INSR: variants seen among roughly 807,000 people sequenced by gnomAD.
INSR encodes the protein IR.
INSR carries 67 observed loss-of-function variants against 142.6 expected under a neutral mutation model. The observed-to-expected ratio is 0.47, with a 90% CI of 0.39 to 0.58. INSR has a LOEUF of 0.58. Among genes scored for constraint, INSR ranks in the 20% least tolerant of loss-of-function variants. The pLI is 0.00. For synonymous variants in INSR, 756 were observed against 743.1 expected (o/e 1.02, Z -0.28); for missense variants, 1,248 against 1,833.2 (o/e 0.68, Z 5.83).
At chr19:7,293,759 G>A (rs1224926270) in intron 1 of INSR, 33 bp downstream of exon 1, 24 of 1,322,896 alleles carry the variant, frequency 1.8e-5, no homozygotes, top group Non-Finnish European at 2.2e-5. Flanking sequence ...CCATCGCGGC[G>A]CTCCCCGCCC....
At chr19:7,157,315 A>G (rs1335824913) in intron 9 of INSR, among the ~76,000 whole-genome samples, 2 of 148,652 alleles carry the variant, frequency 1.3e-5, no homozygotes, top group Non-Finnish European at 1.5e-5. Context: ...GGGTTTTGCC[A>G]TGTTGGCCAG....
At chr19:7,152,087 C>T (rs955030567) in intron 10 of INSR, 1 of 159,594 alleles carries the variant, frequency 6.3e-6, no homozygotes, top group African/African-American at 2.4e-5. Flanking sequence ...CCACTGCGCT[C>T]AGCTAAAGCC....
intron 1 of INSR, among the ~76,000 whole-genome samples, chr19:7,275,645 G>T (rs1286815013): frequency 6.6e-6 from 1 of 151,828 alleles, no homozygotes; most frequent in Non-Finnish European, 1.5e-5. Flanking sequence ...TAGCGGGGTC[G>T]GGGGAGTGGC....
intron 9 of INSR, among the ~76,000 whole-genome samples, chr19:7,155,493 G>C (rs917250592): frequency 6.7e-6 from 1 of 148,832 alleles, no homozygotes; most frequent in Non-Finnish European, 1.5e-5. Flanking sequence ...AGCCAAGATT[G>C]CGCCACTGCA....
Position 7,172,403 on chromosome 19 carries a change from G to A in INSR, c.1155C>T (p.Leu385=), listed in dbSNP as rs1040724024. The change falls in exon 5 of 22, where the codon CTC becomes CTT. Residue 385 remains leucine, a synonymous_variant. Transcript: ENST00000302850. ...ACCCTGAAATTTCTTCAATGAGGCCGAGGTTGGCTTCTAGCTCAGCTGCCA... is the reference window on the plus strand; with the variant it reads ...ACCCTGAAATTTCTTCAATGAGGCCAAGGTTGGCTTCTAGCTCAGCTGCCA... ...NNLAAELEAN[L]GLIEEISGYL... 1.8e-5 allele frequency: 29 copies of A among 1,613,948 alleles called. No homozygotes were observed. The highest frequency in any genetic ancestry group is 1.6e-4 in the Middle Eastern group (1 of 6,084).
At chr19:7,220,564 CA>C (rs369510328) in intron 2 of INSR, among the ~76,000 whole-genome samples, 10 of 152,290 alleles carry the variant, frequency 6.6e-5, no homozygotes, top group South Asian at 2.1e-4. Flanking sequence ...GCTGGAATTA[CA>C]AGTGTGAGCC....
At chr19:7,193,925 C>T (rs1389376587) in intron 2 of INSR, among the ~76,000 whole-genome samples, 1 of 150,810 alleles carries the variant, frequency 6.6e-6, no homozygotes, top group East Asian at 2.0e-4. Context: ...TGGTCTTGAA[C>T]TCCTAGGCTC....
chr19:7,165,854 C>A (rs2144937916), intron 8 of INSR, among the ~76,000 whole-genome samples: 1 of 144,214 alleles, frequency 6.9e-6, no homozygotes, highest in Admixed American at 7.0e-5. Context: ...CAGAGTGAGA[C>A]TTCATCTCAA....
chr19:7,114,334 C>T lies in INSR; in HGVS notation c.*2722G>A, dbSNP rs935420910. 2 of 152,226 alleles carry T rather than the reference C, an allele frequency of 1.3e-5. No individual in the cohort carries two copies. Among genetic ancestry groups the T allele is most frequent in the Admixed American group, 6.5e-5 (1 of 15,274 alleles). 9.4% of individuals were successfully genotyped at this position (152,226 alleles called of 1,614,324 possible). On this transcript the variant is annotated 3_prime_UTR_variant, in exon 22 of 22. Transcript: ENST00000302850. ...CCATCTCTCACCAAAGGAAGGTACA[C>T]CTTGCTGGGTTACCCCATATATCAG...
intron 1 of INSR, 145 bp downstream of exon 1, chr19:7,293,647 C>A: frequency 1.6e-6 from 1 of 618,626 alleles, no homozygotes; most frequent in Non-Finnish European, 2.2e-6. Context: ...GCTCCCCCTA[C>A]GCGATGCAGG....
Position 7,116,929 on chromosome 19 carries a change from A to T in INSR, c.*127T>A. Reference sequence around the variant, plus strand: ...TCCACCTTAAGATGAACAGAAATGTATAGGAACGATCTCTGAACTCCATTG... The same window carrying T: ...TCCACCTTAAGATGAACAGAAATGTTTAGGAACGATCTCTGAACTCCATTG... On this transcript the variant is annotated 3_prime_UTR_variant, in exon 22 of 22. Coordinates refer to ENST00000302850, the MANE Select transcript of INSR (RefSeq NM_000208.4). 1 of 809,018 alleles carries T rather than the reference A, an allele frequency of 1.2e-6. No individual in the cohort carries two copies. The highest frequency in any genetic ancestry group is 2.2e-6 in the Non-Finnish European group (1 of 456,890). 50.1% of individuals were successfully genotyped at this position (809,018 alleles called of 1,614,324 possible). A position where few individuals can be genotyped will look rare whatever the true frequency, so the allele number is the denominator to read the frequency against.
chr19:7,189,536 C>T (rs901948930), intron 2 of INSR, among the ~76,000 whole-genome samples: 12 of 152,140 alleles, frequency 7.9e-5, no homozygotes, highest in African/African-American at 2.9e-4. Flanking sequence ...ATGATAGCAG[C>T]CACAGACATA....
chr19:7,123,027 C>T lies in INSR; in HGVS notation c.3259-38G>A, dbSNP rs776609249. ...CAACCAGGGTTCTTGGAGGAGGGTC[C>T]GTGATTCGACTCACCAGGGTTCTCC... On this transcript the variant is annotated intron_variant, in intron 17 of 21. Transcript: ENST00000302850. 21 of 1,443,338 alleles carry T rather than the reference C, an allele frequency of 1.5e-5. No homozygotes were observed. The South Asian group carries it at 1.6e-4, about 11-fold the overall frequency. 89.4% of individuals were successfully genotyped at this position (1,443,338 alleles called of 1,614,324 possible).
chr19:7,160,740 G>GC (rs1416479676), intron 9 of INSR, among the ~76,000 whole-genome samples: 1 of 151,912 alleles, frequency 6.6e-6, no homozygotes, highest in Non-Finnish European at 1.5e-5. Flanking sequence ...GCTCACGCCT[G>GC]TAATCCCAGC....
chr19:7,291,158 G>A (rs1325743155), intron 1 of INSR, among the ~76,000 whole-genome samples: 4 of 152,122 alleles, frequency 2.6e-5, no homozygotes, highest in African/African-American at 9.7e-5. Flanking sequence ...AGGCATCACA[G>A]CCCATTTATT....
intron 12 of INSR, among the ~76,000 whole-genome samples, chr19:7,142,141 G>C (rs1183970855): frequency 6.6e-6 from 1 of 151,746 alleles, no homozygotes; most frequent in Non-Finnish European, 1.5e-5. Flanking sequence ...GGTGGCTCAT[G>C]CCTGTAATCC....
At chr19:7,184,899 G>C (rs530935695) in intron 2 of INSR, among the ~76,000 whole-genome samples, 53 of 152,190 alleles carry the variant, frequency 3.5e-4, no homozygotes, top group African/African-American at 1.3e-3. Context: ...AGGGGCCCAG[G>C]GAGGCCCAGA....
chr19:7,280,059 A>G (rs1968164232), intron 1 of INSR, among the ~76,000 whole-genome samples: 1 of 151,474 alleles, frequency 6.6e-6, no homozygotes, highest in East Asian at 2.0e-4. Flanking sequence ...AGGTCAAGAG[A>G]TTGAGACCAT....
At chr19:7,149,415 T>A (rs182166347) in intron 11 of INSR, among the ~76,000 whole-genome samples, 1 of 152,252 alleles carries the variant, frequency 6.6e-6, no homozygotes, top group East Asian at 1.9e-4. Flanking sequence ...CACCTCCTGT[T>A]CCTCCCAAAA....
Sources: allele counts gnomAD v4.1 joint callset (sites outside exome capture counted in the v4.1 genomes callset), GRCh38; gene constraint gnomAD v4.1.1; transcripts MANE v1.5; gene names NCBI Gene and HGNC (gene_info 2026-07-23, HGNC 2026-07-21).